The following ERC2 variants were observed in gnomAD, a reference collection of about 807,000 sequenced individuals.
ERC2 encodes the protein ERC protein 2.
ERC2 carries 42 observed loss-of-function variants against 114.8 expected under a neutral mutation model. The ratio of observed to expected loss-of-function variants is 0.37; its 90% CI spans 0.29 to 0.47. The LOEUF (loss-of-function observed/expected upper bound fraction) is 0.47. Ranked by LOEUF, ERC2 falls within the 20% of genes least tolerant of loss-of-function variation. The pLI is 0.99. For missense variants in ERC2, 939 were observed against 1,150.7 expected, an observed-to-expected ratio of 0.82 and a Z score of 2.66; for synonymous variants, 454 against 425.5, an observed-to-expected ratio of 1.07 and a Z score of -0.82.
chr3:55,826,988 G>A (rs1270051871), intron 14 of ERC2, among the ~76,000 whole-genome samples: 1 of 152,202 alleles, frequency 6.6e-6, no homozygotes, highest in Non-Finnish European at 1.5e-5. Context: ...CATTTTAATA[G>A]CAGCCTCACT....
At chr3:55,626,662 A>G (rs1419520367) in intron 17 of ERC2, among the ~76,000 whole-genome samples, 1 of 152,212 alleles carries the variant, frequency 6.6e-6, no homozygotes, top group African/African-American at 2.4e-5. Flanking sequence ...GTAACCTCTA[A>G]CCAGACACAT....
chr3:55,987,897 T>C (rs751111063), intron 11 of ERC2, among the ~76,000 whole-genome samples: 1 of 152,176 alleles, frequency 6.6e-6, no homozygotes, highest in Non-Finnish European at 1.5e-5. Context: ...CCTCTCCGCA[T>C]TGGGGAGGTA....
intron 6 of ERC2, among the ~76,000 whole-genome samples, chr3:56,117,074 T>A (rs113872543): frequency 2.6e-5 from 4 of 152,260 alleles, no homozygotes; most frequent in African/African-American, 9.6e-5. Flanking sequence ...AAAAGATAAA[T>A]CCTGGATTTG....
At chr3:55,856,370 G>A (rs981837589) in intron 14 of ERC2, among the ~76,000 whole-genome samples, 5 of 152,118 alleles carry the variant, frequency 3.3e-5, no homozygotes, top group African/African-American at 4.8e-5. Flanking sequence ...TTTGTGACTC[G>A]TCCAATGCAG....
At position 56,211,713 on chromosome 3, in the gene ERC2, C is replaced by T. The variant is rs140977919; in HGVS notation, c.1075-38193G>A. ...TGACCTTCAAACTATTCTATAGGGC[C>T]ATAGTCACCAAAACAGCATAATACT... is the stretch of plus-strand genomic sequence containing the variant. On this transcript the variant is annotated intron_variant, in intron 3 of 17. Coordinates refer to ENST00000288221, the MANE Select transcript of ERC2 (RefSeq NM_015576.3). Among the ~76,000 whole-genome samples the T allele has an allele frequency of 2.6e-3, 393 of 152,110 alleles. 1 individual carries two copies. The highest frequency in any genetic ancestry group is 0.018 in the South Asian group (87 of 4,820).
At chr3:55,720,684 C>T (rs1436797269) in intron 15 of ERC2, among the ~76,000 whole-genome samples, 1 of 151,976 alleles carries the variant, frequency 6.6e-6, no homozygotes, top group African/African-American at 2.4e-5. Flanking sequence ...AAGAGGGGAC[C>T]CTATGTTTGA....
chr3:55,594,926 C>T (rs1319665802), intron 17 of ERC2, among the ~76,000 whole-genome samples: 1 of 152,094 alleles, frequency 6.6e-6, no homozygotes, highest in African/African-American at 2.4e-5. Flanking sequence ...TTACCACTAC[C>T]CTCCCCCCAC....
chr3:55,906,887 A>G (rs1487124743), intron 13 of ERC2, among the ~76,000 whole-genome samples: 1 of 152,162 alleles, frequency 6.6e-6, no homozygotes, highest in African/African-American at 2.4e-5. Context: ...TTTCTATTCA[A>G]TCAGAGGGTG....
At chr3:55,583,174 G>A (rs1055142941) in intron 17 of ERC2, among the ~76,000 whole-genome samples, 5 of 152,058 alleles carry the variant, frequency 3.3e-5, no homozygotes, top group African/African-American at 1.2e-4. Context: ...TCATTTACTC[G>A]AGCTACCCAG....
intron 3 of ERC2, among the ~76,000 whole-genome samples, chr3:56,204,970 T>C (rs1028553759): frequency 6.6e-6 from 1 of 151,380 alleles, no homozygotes; most frequent in Admixed American, 6.6e-5. Flanking sequence ...GTCTGTCTCA[T>C]TATAAAGCCA....
At chr3:55,827,283 AAAAAGAAAAAAGG>A (rs1337216510) in intron 14 of ERC2, among the ~76,000 whole-genome samples, 5 of 149,798 alleles carry the variant, frequency 3.3e-5, no homozygotes, top group Non-Finnish European at 7.4e-5. Context: ...AAGAGAGGAG[AAAAAGAAAAAAGG>A]AAGAGAAAGA....
chr3:55,804,992 T>A (rs763208551), intron 14 of ERC2, among the ~76,000 whole-genome samples: 1 of 152,040 alleles, frequency 6.6e-6, no homozygotes, highest in Non-Finnish European at 1.5e-5. Flanking sequence ...CCACACAATA[T>A]GAATTAGTGT....
intron 14 of ERC2, among the ~76,000 whole-genome samples, chr3:55,874,004 G>T (rs1204503489): frequency 1.3e-5 from 2 of 152,198 alleles, no homozygotes; most frequent in Non-Finnish European, 2.9e-5. Flanking sequence ...TTTGTTTTAT[G>T]AATGAGTCAG....
intron 3 of ERC2, among the ~76,000 whole-genome samples, chr3:56,287,601 AT>A (rs2054807621): frequency 6.6e-6 from 1 of 152,202 alleles, no homozygotes; most frequent in Non-Finnish European, 1.5e-5. Context: ...AGCCTTTTGC[AT>A]TTCTTCCTTT....
intron 3 of ERC2, among the ~76,000 whole-genome samples, chr3:56,266,200 G>A (rs542563813): frequency 1.5e-5 from 2 of 136,692 alleles, no homozygotes; most frequent in African/African-American, 2.7e-5. Context: ...GCACAATCTC[G>A]GCTCACTGCA....
At chr3:55,792,931 C>A (rs1370796280) in intron 14 of ERC2, among the ~76,000 whole-genome samples, 1 of 152,134 alleles carries the variant, frequency 6.6e-6, no homozygotes, top group Non-Finnish European at 1.5e-5. Context: ...TCAGCACCAG[C>A]AGAAATTATT....
At chr3:56,461,805 T>C (rs960734390) in intron 1 of ERC2, among the ~76,000 whole-genome samples, 4 of 152,216 alleles carry the variant, frequency 2.6e-5, no homozygotes, top group Admixed American at 6.5e-5. Context: ...TTTCTATAAA[T>C]ATACTGAGGG....
intron 14 of ERC2, among the ~76,000 whole-genome samples, chr3:55,820,344 G>C (rs907783783): frequency 2.0e-5 from 3 of 152,124 alleles, no homozygotes; most frequent in Middle Eastern, 3.2e-3. Context: ...GAGTGGACCA[G>C]AACTACAGAA....
At chr3:56,049,064 G>T (rs2075627130) in intron 7 of ERC2, among the ~76,000 whole-genome samples, 1 of 152,174 alleles carries the variant, frequency 6.6e-6, no homozygotes, top group Admixed American at 6.5e-5. Flanking sequence ...GGGGCAGGCA[G>T]TACAGAGGAG....
Sources: gnomAD v4.1 joint callset for allele counts (sites outside exome capture counted in the v4.1 genomes callset) on GRCh38, gnomAD v4.1.1 for gene constraint, MANE v1.5 for transcripts, NCBI Gene and HGNC (gene_info 2026-07-23, HGNC 2026-07-21) for gene names.